CDH8: variants seen among roughly 807,000 people sequenced by gnomAD.
The protein encoded by CDH8 is cadherin 8.
Under a neutral mutation model 68.1 loss-of-function variants are expected in CDH8, and 17 were observed. The ratio of observed to expected loss-of-function variants is 0.25; its 90% CI spans 0.17 to 0.37. CDH8 has a LOEUF of 0.37. Among genes scored for constraint, CDH8 ranks in the 10% least tolerant of loss-of-function variants. The probability of loss-of-function intolerance (pLI) is 1.00; values close to 1 mark genes in which losing one functional copy is unlikely to be tolerated. For synonymous variants in CDH8, 372 were observed against 365.1 expected (o/e 1.02, Z -0.21); for missense variants, 763 against 999.3 (o/e 0.76, Z 3.19).
chr16:62,018,444 A>C (rs967610309), intron 2 of CDH8, among the ~76,000 whole-genome samples: 2 of 152,130 alleles, frequency 1.3e-5, no homozygotes, highest in South Asian at 4.1e-4. Flanking sequence ...CTGGGAGGTG[A>C]AGTGGTTTAA....
intron 7 of CDH8, among the ~76,000 whole-genome samples, chr16:61,807,319 T>A (rs1961811477): frequency 1.1e-5 from 1 of 88,798 alleles, no homozygotes; most frequent in Non-Finnish European, 2.1e-5. Flanking sequence ...CTGGGGACTG[T>A]GGTGGGGTGG....
chr16:61,827,446 G>C (rs546667452), intron 4 of CDH8, among the ~76,000 whole-genome samples: 1 of 151,876 alleles, frequency 6.6e-6, no homozygotes, highest in Admixed American at 6.6e-5. Flanking sequence ...AAGAACTCCT[G>C]CAACTTCTCT....
rs898521858 is a variant in CDH8, at chr16:61,841,361, C to G, written c.667+15758G>C. Among the ~76,000 whole-genome samples, 3 of 152,148 alleles carry G rather than the reference C, an allele frequency of 2.0e-5. No homozygotes were observed. In the South Asian group the frequency reaches 6.2e-4, roughly 32 times the overall value. The stretch of plus-strand genomic sequence containing the variant: ...TTCAGCCATAAAAAGAGAATGAGAT[C>G]CTGTCATTGGCAACAACATAGATGG... On this transcript the variant is annotated intron_variant, in intron 4 of 11. Coordinates refer to ENST00000577390, the MANE Select transcript of CDH8 (RefSeq NM_001796.5).
chr16:61,934,770 C>G (rs907136143), intron 2 of CDH8, among the ~76,000 whole-genome samples: 2 of 152,118 alleles, frequency 1.3e-5, no homozygotes, highest in Non-Finnish European at 2.9e-5. Context: ...ATTCAAGACA[C>G]GCTTGTAGAA....
chr16:61,650,649 A>C lies in CDH8; in HGVS notation c.*2959T>G. 6.7e-6 allele frequency: 1 copy of C among 149,822 alleles called. No individual in the cohort carries two copies. The highest frequency in any genetic ancestry group is 1.5e-5 in the Non-Finnish European group (1 of 67,352). The allele number at this position is 149,822 out of a possible 1,614,324, so 9.3% of individuals were successfully genotyped here. A position where few individuals can be genotyped will look rare whatever the true frequency, so the allele number is the denominator to read the frequency against. On this transcript the variant is annotated 3_prime_UTR_variant, in exon 12 of 12. Coordinates refer to ENST00000577390, the MANE Select transcript of CDH8 (RefSeq NM_001796.5). ...TGCTAAAGTAAAACTTCAAGTCAAA[A>C]TGTGTGTTTTTTATTTGTTTGTTGT...
At chr16:61,674,505 A>C (rs1002308464) in intron 10 of CDH8, among the ~76,000 whole-genome samples, 1 of 151,760 alleles carries the variant, frequency 6.6e-6, no homozygotes, top group Non-Finnish European at 1.5e-5. Flanking sequence ...CTAAAATTCT[A>C]TTCATTTCTA....
chr16:61,968,424 G>C (rs923918021), intron 2 of CDH8, among the ~76,000 whole-genome samples: 8 of 152,114 alleles, frequency 5.3e-5, no homozygotes, highest in Non-Finnish European at 8.8e-5. Flanking sequence ...TGAGACCTAG[G>C]ACAGGTAAAG....
intron 2 of CDH8, among the ~76,000 whole-genome samples, chr16:61,992,759 C>T (rs954048862): frequency 1.1e-4 from 17 of 152,138 alleles, no homozygotes; most frequent in African/African-American, 3.6e-4. Context: ...AGCTTACCTC[C>T]TGGTGTCGAA....
chr16:61,795,128 C>T (rs1961466021), intron 7 of CDH8, among the ~76,000 whole-genome samples: 1 of 151,738 alleles, frequency 6.6e-6, no homozygotes, highest in Non-Finnish European at 1.5e-5. Flanking sequence ...CATTTCATTA[C>T]AAAACTCTGA....
At chr16:61,668,067 A>T (rs1963715446) in intron 10 of CDH8, among the ~76,000 whole-genome samples, 1 of 152,034 alleles carries the variant, frequency 6.6e-6, no homozygotes, top group African/African-American at 2.4e-5. Flanking sequence ...ACAAAAAGCG[A>T]AGTGGACAAG....
chr16:61,801,878 G>C (rs570168372), intron 7 of CDH8, among the ~76,000 whole-genome samples: 5 of 151,538 alleles, frequency 3.3e-5, no homozygotes, highest in East Asian at 2.0e-4. Context: ...AGGCGGCAGC[G>C]AGGCTGGGGG....
intron 1 of CDH8, among the ~76,000 whole-genome samples, chr16:62,029,227 T>C (rs1303522244): frequency 2.0e-5 from 3 of 152,228 alleles, no homozygotes; most frequent in Non-Finnish European, 2.9e-5. Flanking sequence ...GTAGTAACTA[T>C]TTATTGGATG....
At chr16:61,826,597 T>G (rs1962341286) in intron 4 of CDH8, among the ~76,000 whole-genome samples, 1 of 151,798 alleles carries the variant, frequency 6.6e-6, no homozygotes, top group Non-Finnish European at 1.5e-5. Flanking sequence ...CAATTCAAAT[T>G]GAAGCTGAGC....
intron 2 of CDH8, among the ~76,000 whole-genome samples, chr16:62,013,872 C>T (rs2150606344): frequency 6.6e-6 from 1 of 152,300 alleles, no homozygotes; most frequent in African/African-American, 2.4e-5. Flanking sequence ...CATCCGTAAA[C>T]ATATGACTGC....
chr16:61,713,413 C>T (rs754421867), intron 10 of CDH8, among the ~76,000 whole-genome samples: 3 of 151,480 alleles, frequency 2.0e-5, no homozygotes, highest in Admixed American at 6.6e-5. Context: ...AAACAAATAC[C>T]TTTAATGTGT....
chr16:61,870,315 G>T (rs138426540), intron 3 of CDH8, among the ~76,000 whole-genome samples: 5 of 152,054 alleles, frequency 3.3e-5, no homozygotes, highest in African/African-American at 4.8e-5. Context: ...ACAGCTGTTC[G>T]CCAGGCGGAA....
At chr16:61,720,633 T>G (rs80121840) in intron 9 of CDH8, among the ~76,000 whole-genome samples, 2 of 150,892 alleles carry the variant, frequency 1.3e-5, no homozygotes, top group African/African-American at 4.8e-5. Context: ...TTCTATATGA[T>G]GATTCCAGCT....
At chr16:61,877,012 T>C (rs1963475096) in intron 3 of CDH8, among the ~76,000 whole-genome samples, 1 of 152,252 alleles carries the variant, frequency 6.6e-6, no homozygotes, top group Non-Finnish European at 1.5e-5. Flanking sequence ...CTATATAACA[T>C]ATGAAAATCT....
chr16:61,962,828 C>T (rs570064634), intron 2 of CDH8, among the ~76,000 whole-genome samples: 1 of 152,252 alleles, frequency 6.6e-6, no homozygotes, highest in Admixed American at 6.5e-5. Context: ...TCAGTGTACA[C>T]ATTTATGTTA....
Sources: gnomAD v4.1 joint callset for allele counts (sites outside exome capture counted in the v4.1 genomes callset) on GRCh38, gnomAD v4.1.1 for gene constraint, MANE v1.5 for transcripts, NCBI Gene and HGNC (gene_info 2026-07-23, HGNC 2026-07-21) for gene names.